AHCYL2: variants seen among roughly 807,000 people sequenced by gnomAD.
The protein encoded by AHCYL2 is S-adenosylhomocysteine hydrolase-like protein 2.
Under a neutral mutation model 81.4 loss-of-function variants are expected in AHCYL2, and 28 were observed. The ratio of observed to expected loss-of-function variants is 0.34; its 90% CI spans 0.25 to 0.47. The LOEUF is 0.47. AHCYL2 is among the 20% of genes least tolerant of loss of function. The pLI is 1.00. For synonymous variants in AHCYL2, 272 were observed against 290.2 expected (o/e 0.94, Z 0.64); for missense variants, 551 against 785.1 (o/e 0.70, Z 3.56).
At chr7:129,373,213 A>G (rs138823839) in intron 1 of AHCYL2, among the ~76,000 whole-genome samples, 57 of 152,266 alleles carry the variant, frequency 3.7e-4, no homozygotes, top group African/African-American at 1.3e-3. Context: ...TCTCCAGGTG[A>G]TTTTGATGCA....
At chr7:129,325,038 TTTTA>T (rs1414932318) in intron 1 of AHCYL2, among the ~76,000 whole-genome samples, 2 of 152,100 alleles carry the variant, frequency 1.3e-5, no homozygotes, top group Admixed American at 6.5e-5. Flanking sequence ...CACAGTACCT[TTTTA>T]TTTATTTTTT....
chr7:129,378,814 G>A (rs1794812227), intron 1 of AHCYL2, among the ~76,000 whole-genome samples: 1 of 151,966 alleles, frequency 6.6e-6, no homozygotes, highest in Non-Finnish European at 1.5e-5. Flanking sequence ...TTCTCATCTA[G>A]ATATATGGAG....
chr7:129,238,653 T>G (rs779891637), intron 1 of AHCYL2, among the ~76,000 whole-genome samples: 36 of 152,120 alleles, frequency 2.4e-4, no homozygotes, highest in Admixed American at 9.8e-4. Flanking sequence ...GGTTTCACCA[T>G]GTGTCAGAAC....
intron 1 of AHCYL2, among the ~76,000 whole-genome samples, chr7:129,227,533 G>A (rs1359144677): frequency 6.7e-6 from 1 of 148,904 alleles, no homozygotes; most frequent in Non-Finnish European, 1.5e-5. Context: ...GGCCGGGGTG[G>A]GAGGATCACC....
At chr7:129,332,811 C>G (rs764273022) in intron 1 of AHCYL2, among the ~76,000 whole-genome samples, 1 of 152,178 alleles carries the variant, frequency 6.6e-6, no homozygotes, top group Admixed American at 6.5e-5. Context: ...GCCTCCTTCC[C>G]TAGAGGAAGG....
At chr7:129,285,696 CTTTTTTT>C (rs71526096) in intron 1 of AHCYL2, among the ~76,000 whole-genome samples, 1 of 100,596 alleles carries the variant, frequency 9.9e-6, no homozygotes, top group Non-Finnish European at 2.0e-5. Context: ...CTCTCTCTCT[CTTTTTTT>C]TTTTTTTTTT....
intron 1 of AHCYL2, among the ~76,000 whole-genome samples, chr7:129,257,169 C>T (rs952717944): frequency 1.3e-5 from 2 of 152,150 alleles, no homozygotes; most frequent in Admixed American, 1.3e-4. Context: ...ATAGAACCCT[C>T]AGATAGGAAT....
At position 129,286,451 on chromosome 7, in the gene AHCYL2, G is replaced by T. The variant is rs74995998; in HGVS notation, c.363+61012G>T. Among the ~76,000 whole-genome samples the T allele has an allele frequency of 3.3e-3, 495 of 150,746 alleles. 1 individual carries two copies. The highest frequency in any genetic ancestry group is 0.012 in the African/African-American group (475 of 41,172). ...TGAGAGGAGGGGAGTTAGTTTTTTT[G>T]TTTGTTTGTTTGTTTTGTTTTGTTT... is the stretch of plus-strand genomic sequence containing the variant. On this transcript the variant is annotated intron_variant, in intron 1 of 16. Transcript: ENST00000325006.
chr7:129,397,109 A>AC (rs1350231174), intron 4 of AHCYL2, 113 bp from the exon 5 acceptor site: 1 of 863,404 alleles, frequency 1.2e-6, no homozygotes, highest in Non-Finnish European at 1.8e-6. Flanking sequence ...TTTGAAAATC[A>AC]CTGGCTTAAG....
chr7:129,337,724 A>G (rs905546775), intron 1 of AHCYL2, among the ~76,000 whole-genome samples: 12 of 151,498 alleles, frequency 7.9e-5, no homozygotes, highest in Admixed American at 7.9e-4. Context: ...TCAGTCTTCT[A>G]TAAGGATTTA....
At chr7:129,253,960 G>T (rs763431242) in intron 1 of AHCYL2, among the ~76,000 whole-genome samples, 1 of 152,064 alleles carries the variant, frequency 6.6e-6, no homozygotes, top group African/African-American at 2.4e-5. Context: ...CAAACACAAG[G>T]TAAAAAGCTG....
chr7:129,377,618 T>G (rs1368280099), intron 1 of AHCYL2: 1 of 456,674 alleles, frequency 2.2e-6, no homozygotes, highest in Non-Finnish European at 4.4e-6. Flanking sequence ...CTTTTTATCA[T>G]TAAAGGTAGA....
In AHCYL2 at chr7:129,413,630, G is replaced by A. The variant is rs192789526; in HGVS notation, c.1403G>A (p.Arg468His). The A allele has an allele frequency of 3.0e-5, 49 of 1,614,060 alleles. No homozygotes were observed. The highest frequency in any genetic ancestry group is 3.9e-5 in the Non-Finnish European group (46 of 1,180,002). Reference sequence around the variant, plus strand: ...GTGGTAACCAGAGAGCACTTGGACCGTATGAAGAATAGCTGCATCGTTTGT... The same window carrying A: ...GTGGTAACCAGAGAGCACTTGGACCATATGAAGAATAGCTGCATCGTTTGT... Reference protein sequence around the residue: ...KNVVTREHLDRMKNSCIVCNM... With the variant: ...KNVVTREHLDHMKNSCIVCNM... Residue 468 changes from arginine (R) to histidine (H), a missense_variant, in exon 12 of 17, where the codon CGT (arginine) becomes CAT (histidine). This residue lies in a region of AHCYL2 where 316 missense variants were observed against 543.1 expected (regional missense o/e 0.58). Coordinates refer to ENST00000325006, the MANE Select transcript of AHCYL2 (RefSeq NM_015328.4).
At chr7:129,407,915 G>C (rs992554341) in intron 10 of AHCYL2, among the ~76,000 whole-genome samples, 1 of 152,160 alleles carries the variant, frequency 6.6e-6, no homozygotes, top group African/African-American at 2.4e-5. Context: ...ATTTGTATAG[G>C]TGTTTTCTTA....
chr7:129,414,420 C>CTTTTTTTTTTTT (rs10653631), intron 12 of AHCYL2, among the ~76,000 whole-genome samples: 1 of 125,474 alleles, frequency 8.0e-6, no homozygotes, highest in Non-Finnish European at 1.6e-5. Context: ...AATGTTGTTT[C>CTTTTTTTTTTTT]TTTTTTTTTT....
At position 129,409,478 on chromosome 7, in the gene AHCYL2, T is replaced by C; in HGVS notation, c.1298T>C (p.Met433Thr). 6.2e-7 allele frequency: 1 copy of C among 1,613,732 alleles called. No individual in the cohort carries two copies. The highest frequency in any genetic ancestry group is 8.5e-7 in the Non-Finnish European group (1 of 1,179,762). ...IDPICALQAC[M>T]DGFRLVKLNE... ...TGGGTCATGCTTTATTTCAACAGTA[T>C]GGATGGATTTCGACTGGTGAAATTA... The change falls in exon 11 of 17, where the codon ATG becomes ACG. Residue 433 changes from methionine (M) to threonine (T), a missense_variant and splice_region_variant. Coordinates refer to ENST00000325006, the MANE Select transcript of AHCYL2 (RefSeq NM_015328.4).
chr7:129,367,886 A>G (rs1244333975), intron 1 of AHCYL2, among the ~76,000 whole-genome samples: 1 of 152,148 alleles, frequency 6.6e-6, no homozygotes, highest in East Asian at 1.9e-4. Flanking sequence ...GATATGCGAG[A>G]GTTTGGTGCC....
chr7:129,402,583 A>G (rs1796087134), intron 6 of AHCYL2, among the ~76,000 whole-genome samples: 1 of 152,172 alleles, frequency 6.6e-6, no homozygotes, highest in Admixed American at 6.5e-5. Context: ...GTGCCTAACA[A>G]TGTTCTAAGC....
chr7:129,278,759 A>T lies in AHCYL2; in HGVS notation c.363+53320A>T, dbSNP rs1309541355. On this transcript the variant is annotated intron_variant, in intron 1 of 16. Coordinates refer to ENST00000325006, the MANE Select transcript of AHCYL2 (RefSeq NM_015328.4). ...GCATATGGTACAAGGTTTGTATTGA[A>T]GCTCTTTTTTTTTTTTTTTTTTTGC... 5.0e-5 allele frequency among the ~76,000 whole-genome samples: 7 copies of T among 138,990 alleles called. No individual in the cohort carries two copies. The South Asian group carries it at 8.8e-4, about 17-fold the overall frequency. 91.2% of individuals were successfully genotyped at this position (138,990 alleles called of 152,430 possible). A position where few individuals can be genotyped will look rare whatever the true frequency, so the allele number is the denominator to read the frequency against.
Sources: allele counts gnomAD v4.1 joint callset (sites outside exome capture counted in the v4.1 genomes callset), GRCh38; gene constraint gnomAD v4.1.1; regional missense constraint gnomAD v4.1.1; transcripts MANE v1.5; gene names NCBI Gene and HGNC (gene_info 2026-07-23, HGNC 2026-07-21).